The following CYP46A1 variants were observed in gnomAD, a reference collection of about 807,000 sequenced individuals.
CYP46A1 encodes the protein cholesterol 24-hydroxylase.
CYP46A1 carries 20 observed loss-of-function variants against 63.3 expected under a neutral mutation model. The observed-to-expected ratio is 0.32, with a 90% CI of 0.22 to 0.46. The LOEUF (loss-of-function observed/expected upper bound fraction) is 0.46. CYP46A1 is among the 20% of genes least tolerant of loss of function. The pLI is 1.00. For synonymous variants in CYP46A1, 268 were observed against 273.6 expected, an observed-to-expected ratio of 0.98 and a Z score of 0.20; for missense variants, 445 against 670.8, an observed-to-expected ratio of 0.66 and a Z score of 3.72.
intron 9 of CYP46A1, among the ~76,000 whole-genome samples, chr14:99,716,946 A>C (rs1368988402): frequency 6.6e-6 from 1 of 152,162 alleles, no homozygotes; most frequent in Non-Finnish European, 1.5e-5. Flanking sequence ...CAGAGAGACA[A>C]ATACTGATGG....
In CYP46A1 at chr14:99,721,309, C is replaced by T; in HGVS notation, c.1051C>T (p.Gln351Ter). 6.2e-7 allele frequency: 1 copy of T among 1,611,076 alleles called. No homozygotes were observed. Among genetic ancestry groups the T allele is most frequent in the Non-Finnish European group, 8.5e-7 (1 of 1,177,242 alleles). ...GGATTTCGAGGACCTGGGGAGACTGCAGTACCTGTCCCAGGTGTGGGAAGT... is the reference window on the plus strand; with the variant it reads ...GGATTTCGAGGACCTGGGGAGACTGTAGTACCTGTCCCAGGTGTGGGAAGT... ...YLDFEDLGRL[Q>*]YLSQVLKESL... Residue 351 changes from glutamine to a stop codon, truncating the protein, a stop_gained, in exon 11 of 15, where the codon CAG becomes TAG. Coordinates refer to ENST00000261835, the MANE Select transcript of CYP46A1 (RefSeq NM_006668.2). LOFTEE classifies it high-confidence loss of function.
rs553978769 is a variant in CYP46A1 at position 99,697,650 on chromosome 14, G to A, written c.283-1816G>A. Among the ~76,000 whole-genome samples, 4 of 152,284 alleles carry A rather than the reference G, an allele frequency of 2.6e-5. No homozygotes were observed. In the South Asian group the frequency reaches 8.3e-4, roughly 32 times the overall value. On this transcript the variant is annotated intron_variant, in intron 3 of 14. Transcript: ENST00000261835. ...GTTTTCTGGTTGTTTATGGCACAAG[G>A]GCAAGTCCTTAGCAGTTTCTCCTTC...
intron 5 of CYP46A1, chr14:99,703,835 A>G (rs569315022): frequency 1.0e-6 from 1 of 985,368 alleles, no homozygotes; most frequent in Non-Finnish European, 1.2e-6. Flanking sequence ...TGCGTAAGTG[A>G]ATCAATGAAT....
At chr14:99,705,299 C>G (rs2056666168) in intron 5 of CYP46A1, among the ~76,000 whole-genome samples, 1 of 152,216 alleles carries the variant, frequency 6.6e-6, no homozygotes, top group African/African-American at 2.4e-5. Flanking sequence ...CCTTGACCTC[C>G]TGGGCTCAAG....
rs1463966287 is a variant in CYP46A1, at chr14:99,714,758, C to T, written c.694-1052C>T. On this transcript the variant is annotated intron_variant, in intron 7 of 14. Transcript: ENST00000261835. ...CTGGGCAACAAGAGTGAAACCCCATCTCAAAAAAAAAAAAAAAAGAAAAGA... is the reference window on the plus strand; with the variant it reads ...CTGGGCAACAAGAGTGAAACCCCATTTCAAAAAAAAAAAAAAAAGAAAAGA... Among the ~76,000 whole-genome samples the T allele has an allele frequency of 5.7e-5, 7 of 121,752 alleles. No individual in the cohort carries two copies. The Admixed American group carries it at 6.1e-4, about 11-fold the overall frequency. 79.9% of individuals were successfully genotyped at this position (121,752 alleles called of 152,430 possible).
At position 99,725,030 on chromosome 14, in the gene CYP46A1, T is replaced by C. The variant is rs113906372; in HGVS notation, c.1177-361T>C. 8.7e-4 allele frequency among the ~76,000 whole-genome samples: 132 copies of C among 152,304 alleles called. No homozygotes were observed. Among genetic ancestry groups the C allele is most frequent in the African/African-American group, 3.1e-3 (129 of 41,566 alleles). On this transcript the variant is annotated intron_variant, in intron 12 of 14. Transcript: ENST00000261835. The surrounding 1 kb of genome is among the most constrained non-coding windows in gnomAD (Gnocchi z 4.2). ...GGCCTCACAGAGTCAGATCTGAGTT[T>C]GAATCCCGGTTTGGCCATTTATTTG...
chr14:99,715,520 T>C (rs1222859907), intron 7 of CYP46A1, among the ~76,000 whole-genome samples: 1 of 152,188 alleles, frequency 6.6e-6, no homozygotes, highest in East Asian at 1.9e-4. Flanking sequence ...CAAGCCTAGC[T>C]GCCTCCACTC....
At chr14:99,701,389 C>T (rs778844765) in intron 5 of CYP46A1, among the ~76,000 whole-genome samples, 29 of 152,304 alleles carry the variant, frequency 1.9e-4, no homozygotes, top group South Asian at 4.1e-4. Flanking sequence ...ATCTTTTAGA[C>T]TGTATTTTTA....
intron 7 of CYP46A1, among the ~76,000 whole-genome samples, chr14:99,715,308 G>A (rs555259728): frequency 1.1e-4 from 17 of 152,212 alleles, no homozygotes; most frequent in African/African-American, 3.6e-4. Flanking sequence ...TAAAAAGATG[G>A]CTGCTGCAGC....
chr14:99,684,406 T>TGCCCC lies in CYP46A1; in HGVS notation c.-10_-6dup. 2 of 1,443,504 alleles carry TGCCCC rather than the reference T, an allele frequency of 1.4e-6. No individual in the cohort carries two copies. The highest frequency in any genetic ancestry group is 9.1e-7 in the Non-Finnish European group (1 of 1,101,242). 89.4% of individuals were successfully genotyped at this position (1,443,504 alleles called of 1,614,324 possible). A position where few individuals can be genotyped will look rare whatever the true frequency, so the allele number is the denominator to read the frequency against. On this transcript the variant is annotated 5_prime_UTR_variant, in exon 1 of 15. Coordinates refer to ENST00000261835, the MANE Select transcript of CYP46A1 (RefSeq NM_006668.2). Reference sequence around the variant, plus strand: ...GGCCCGACCCTGGCCTGGCCTGCCCTGCCCCGGAGCCATGAGCCCCGGGCT... The same window carrying TGCCCC: ...GGCCCGACCCTGGCCTGGCCTGCCCTGCCCCGCCCCGGAGCCATGAGCCCCGGGCT...
chr14:99,692,492 T>C (rs1295486059), intron 3 of CYP46A1, among the ~76,000 whole-genome samples: 2 of 151,762 alleles, frequency 1.3e-5, no homozygotes, highest in Admixed American at 1.3e-4. Flanking sequence ...TGAGCAGAGA[T>C]CGTGCCATGG....
At chr14:99,687,994 C>T (rs2056509740) in intron 1 of CYP46A1, among the ~76,000 whole-genome samples, 1 of 151,684 alleles carries the variant, frequency 6.6e-6, no homozygotes, top group Admixed American at 6.6e-5. Flanking sequence ...TTTTTTTTCC[C>T]CTTTCTTGGT....
intron 3 of CYP46A1, among the ~76,000 whole-genome samples, chr14:99,695,094 A>C (rs2056575883): frequency 6.6e-6 from 1 of 152,228 alleles, no homozygotes; most frequent in South Asian, 2.1e-4. Flanking sequence ...ATTAGGGGAT[A>C]TTCTAGATAT....
In CYP46A1 at chr14:99,684,327, C is replaced by A. The variant is rs2056469892; in HGVS notation, c.-91C>A. ...CGCGCCTGGCCTGGGGCCGAGGCGG[C>A]GCGCGGCGCTGACAGCTGAGTCGGC... On this transcript the variant is annotated 5_prime_UTR_variant, in exon 1 of 15. Coordinates refer to ENST00000261835, the MANE Select transcript of CYP46A1 (RefSeq NM_006668.2). 1 of 725,512 alleles carries A rather than the reference C, an allele frequency of 1.4e-6. No homozygotes were observed. Among genetic ancestry groups the A allele is most frequent in the East Asian group, 4.5e-5 (1 of 22,440 alleles). The allele number at this position is 725,512 out of a possible 1,614,324, so 44.9% of individuals were successfully genotyped here. A position where few individuals can be genotyped will look rare whatever the true frequency, so the allele number is the denominator to read the frequency against.
intron 5 of CYP46A1, among the ~76,000 whole-genome samples, chr14:99,700,626 T>C (rs370425363): frequency 3.6e-4 from 55 of 152,372 alleles, no homozygotes; most frequent in African/African-American, 1.3e-3. Flanking sequence ...GTGGTGCTGG[T>C]GTAAACAAAC....
intron 5 of CYP46A1, 57 bp from the exon 6 acceptor site, chr14:99,706,590 G>A: frequency 6.2e-7 from 1 of 1,600,976 alleles, no homozygotes; most frequent in Non-Finnish European, 8.5e-7. Flanking sequence ...GAGGGCACAT[G>A]GCAGTCCACC....
rs879675780 is a variant in CYP46A1, at chr14:99,725,867, C to G, written c.1266-323C>G. On this transcript the variant is annotated intron_variant, in intron 13 of 14. Transcript: ENST00000261835. The surrounding 1 kb of genome is among the most constrained non-coding windows in gnomAD (Gnocchi z 4.2). ...GGAAGAGCTGGACTCCACAGCCTGCCTGAGTGTTCAGATCCAGGCTCTGCC... is the reference window on the plus strand; with the variant it reads ...GGAAGAGCTGGACTCCACAGCCTGCGTGAGTGTTCAGATCCAGGCTCTGCC... Among the ~76,000 whole-genome samples, 2 of 152,166 alleles carry G rather than the reference C, an allele frequency of 1.3e-5. No homozygotes were observed. The highest frequency in any genetic ancestry group is 2.9e-5 in the Non-Finnish European group (2 of 68,028).
chr14:99,696,123 T>C (rs2056585548), intron 3 of CYP46A1, among the ~76,000 whole-genome samples: 1 of 152,252 alleles, frequency 6.6e-6, no homozygotes, highest in South Asian at 2.1e-4. Context: ...TTTACTGTAA[T>C]TATTGATATG....
chr14:99,717,982 A>G, intron 9 of CYP46A1, 72 bp from the exon 10 acceptor site: 1 of 1,232,500 alleles, frequency 8.1e-7, no homozygotes, highest in Middle Eastern at 2.0e-4. Flanking sequence ...TGGCTGGCAT[A>G]GAGGCAGGCA....
Sources: gnomAD v4.1 joint callset for allele counts (sites outside exome capture counted in the v4.1 genomes callset) on GRCh38, gnomAD v4.1.1 for gene constraint, Gnocchi (gnomAD v3.1) non-coding constraint, MANE v1.5 for transcripts, NCBI Gene and HGNC (gene_info 2026-07-23, HGNC 2026-07-21) for gene names.